The following THNSL1 variants were observed in gnomAD, a reference collection of about 807,000 sequenced individuals.
THNSL1 encodes the protein threonine synthase like 1.
A neutral mutation model predicts 50.4 loss-of-function variants in THNSL1; 48 were observed. That is an observed-to-expected ratio of 0.95 (90% CI 0.76 to 1.21). The LOEUF (loss-of-function observed/expected upper bound fraction) is 1.21, where lower values mean the gene tolerates loss of function less well. Among genes scored for constraint, THNSL1 ranks in the 50% most tolerant of loss-of-function variants. The pLI, the probability that THNSL1 is intolerant of heterozygous loss-of-function variation, is 0.00. For missense variants in THNSL1, 896 were observed against 871.7 expected (o/e 1.03, Z -0.35); for synonymous variants, 309 against 306.1 (o/e 1.01, Z -0.10).
At chr10:25,022,413 A>G (rs1350169521) in intron 2 of THNSL1, among the ~76,000 whole-genome samples, 4 of 152,190 alleles carry the variant, frequency 2.6e-5, no homozygotes, top group Admixed American at 6.5e-5. Flanking sequence ...ATAAGGTTAT[A>G]TGTAGCCTTT....
chr10:25,015,916 A>G (rs757460349), upstream of THNSL1: 11 of 1,608,654 alleles, frequency 6.8e-6, no homozygotes, highest in Admixed American at 1.2e-4. Flanking sequence ...AAATGCACTC[A>G]GAAGAGCACG....
At chr10:25,016,419 A>C (rs991202966), upstream of THNSL1, among the ~76,000 whole-genome samples, 12 of 152,252 alleles carry the variant, frequency 7.9e-5, no homozygotes, top group African/African-American at 2.9e-4. Context: ...CGCAGGCGTC[A>C]CCCAATAAGG....
the THNSL1 span, among the ~76,000 whole-genome samples, chr10:24,955,670 C>T: frequency 6.6e-6 from 1 of 152,162 alleles, no homozygotes; most frequent in Non-Finnish European, 1.5e-5. Flanking sequence ...TGGGGCTAGG[C>T]ACCATGGCTC....
the THNSL1 span, among the ~76,000 whole-genome samples, chr10:25,010,823 T>C: frequency 4.4e-4 from 67 of 150,778 alleles, no homozygotes; most frequent in Non-Finnish European, 8.0e-4. Context: ...ATGTGCCACA[T>C]TTTCTTAGTC....
chr10:24,957,840 G>T, the THNSL1 span, among the ~76,000 whole-genome samples: 1 of 152,088 alleles, frequency 6.6e-6, no homozygotes, highest in Non-Finnish European at 1.5e-5. Flanking sequence ...TCCACATGTG[G>T]ATATTCAGTT....
the THNSL1 span, among the ~76,000 whole-genome samples, chr10:24,999,037 C>A: frequency 6.6e-6 from 1 of 152,252 alleles, no homozygotes; most frequent in South Asian, 2.1e-4. Context: ...GGAGAAAAGG[C>A]CAGACAGGGT....
At chr10:24,979,364 G>A in the THNSL1 span, among the ~76,000 whole-genome samples, 1 of 152,202 alleles carries the variant, frequency 6.6e-6, no homozygotes. Flanking sequence ...CAATGCAACA[G>A]AGGCCAGGTG....
At chr10:25,008,955 A>G in the THNSL1 span, among the ~76,000 whole-genome samples, 1 of 152,204 alleles carries the variant, frequency 6.6e-6, no homozygotes, top group Non-Finnish European at 1.5e-5. Flanking sequence ...TGTCCTTTGT[A>G]GGGACATGGA....
the THNSL1 span, among the ~76,000 whole-genome samples, chr10:24,991,537 C>T: frequency 1.9e-4 from 29 of 152,190 alleles, no homozygotes; most frequent in African/African-American, 5.3e-4. Context: ...CACCAGCATG[C>T]CGGCAGGCCA....
At chr10:25,001,543 T>C in the THNSL1 span, among the ~76,000 whole-genome samples, 1 of 152,192 alleles carries the variant, frequency 6.6e-6, no homozygotes, top group African/African-American at 2.4e-5. Flanking sequence ...ATTGATTCTC[T>C]GCTTTCTTTT....
the THNSL1 span, chr10:24,984,685 T>C: frequency 0.012 from 17,961 of 1,501,548 alleles, 328 homozygotes; most frequent in African/African-American, 0.075. Flanking sequence ...ATATTTTCCA[T>C]GTTTTTTTCC....
At chr10:25,016,094 T>C, upstream of THNSL1, 2 of 1,325,208 alleles carry the variant, frequency 1.5e-6, no homozygotes, top group South Asian at 2.2e-5. Context: ...AACCCCCTCT[T>C]AGCAGTCCTC....
the THNSL1 span, among the ~76,000 whole-genome samples, chr10:24,987,171 A>T: frequency 1.3e-5 from 2 of 152,106 alleles, no homozygotes; most frequent in African/African-American, 4.8e-5. Flanking sequence ...TTCATCTGTG[A>T]CTATGACCCT....
At chr10:24,972,337 A>G in the THNSL1 span, among the ~76,000 whole-genome samples, 8 of 151,610 alleles carry the variant, frequency 5.3e-5, no homozygotes, top group South Asian at 2.1e-4. Flanking sequence ...GTGAAACACC[A>G]TCTCTACTAA....
At chr10:24,961,659 G>A in the THNSL1 span, among the ~76,000 whole-genome samples, 1 of 151,572 alleles carries the variant, frequency 6.6e-6, no homozygotes, top group African/African-American at 2.4e-5. Context: ...TATGTTAAAA[G>A]CGTAGTAATT....
chr10:24,990,393 G>A, the THNSL1 span: 9 of 1,521,910 alleles, frequency 5.9e-6, no homozygotes, highest in Middle Eastern at 5.3e-4. Context: ...AATCATCAAA[G>A]TGATGGTACA....
the THNSL1 span, among the ~76,000 whole-genome samples, chr10:24,969,768 C>T: frequency 3.3e-5 from 5 of 152,202 alleles, no homozygotes; most frequent in Non-Finnish European, 7.3e-5. Flanking sequence ...ATAACATTCC[C>T]TAAGGAAGTC....
At chr10:24,973,563 T>G in the THNSL1 span, among the ~76,000 whole-genome samples, 12 of 152,292 alleles carry the variant, frequency 7.9e-5, no homozygotes, top group East Asian at 2.3e-3. Flanking sequence ...ACAGGAGGAC[T>G]ACTGTACCAC....
chr10:24,964,968 T>A, the THNSL1 span, among the ~76,000 whole-genome samples: 1 of 151,288 alleles, frequency 6.6e-6, no homozygotes, highest in East Asian at 1.9e-4. Flanking sequence ...GAGGCTTTGG[T>A]GGGAGGATCA....
Sources: allele counts gnomAD v4.1 joint callset (sites outside exome capture counted in the v4.1 genomes callset), GRCh38; gene constraint gnomAD v4.1.1; transcripts MANE v1.5; gene names NCBI Gene and HGNC (gene_info 2026-07-23, HGNC 2026-07-21).